Variants in B3GALT1 observed in about 807,000 individuals in gnomAD.
B3GALT1 encodes the protein UDP-Gal:betaGlcNAc beta 1,3-galactosyltransferase, polypeptide 1.
A neutral mutation model predicts 23.2 loss-of-function variants in B3GALT1; 10 were observed. The ratio of observed to expected loss-of-function variants is 0.43; its 90% CI spans 0.27 to 0.73. The LOEUF is 0.73. Ranked by LOEUF, B3GALT1 falls within the 30% of genes least tolerant of loss-of-function variation. B3GALT1 has a pLI of 0.21. For synonymous variants in B3GALT1, 156 were observed against 141.5 expected, an observed-to-expected ratio of 1.10 and a Z score of -0.73; for missense variants, 299 against 405.4, an observed-to-expected ratio of 0.74 and a Z score of 2.25.
intron 1 of B3GALT1, among the ~76,000 whole-genome samples, chr2:167,351,021 C>T (rs533588792): frequency 6.6e-6 from 1 of 152,298 alleles, no homozygotes; most frequent in East Asian, 1.9e-4. Context: ...GTAATCCCAG[C>T]ACTTTGCGAG....
At chr2:167,650,533 T>G (rs77749266) in intron 3 of B3GALT1, among the ~76,000 whole-genome samples, 2,311 of 152,072 alleles carry the variant, frequency 0.015, 71 homozygotes, top group African/African-American at 0.053. Context: ...AAGATAATGT[T>G]GACCTCATAG....
At chr2:167,304,009 C>T (rs1229401592) in intron 1 of B3GALT1, among the ~76,000 whole-genome samples, 3 of 152,110 alleles carry the variant, frequency 2.0e-5, no homozygotes, top group Admixed American at 1.3e-4. Context: ...CTGTCCCCAG[C>T]TTCATCAAGG....
At chr2:167,502,900 A>C (rs1041035755) in intron 2 of B3GALT1, among the ~76,000 whole-genome samples, 1 of 152,012 alleles carries the variant, frequency 6.6e-6, no homozygotes, top group African/African-American at 2.4e-5. Flanking sequence ...TTAGCTGGGC[A>C]TGGTGGCAGG....
chr2:167,454,311 A>G (rs961213617), intron 1 of B3GALT1, among the ~76,000 whole-genome samples: 2 of 152,184 alleles, frequency 1.3e-5, no homozygotes, highest in Admixed American at 1.3e-4. Flanking sequence ...TTGGTTTGGA[A>G]CAGTAGGACT....
intron 3 of B3GALT1, among the ~76,000 whole-genome samples, chr2:167,770,198 C>T (rs1688049588): frequency 1.3e-5 from 2 of 152,162 alleles, no homozygotes; most frequent in Admixed American, 1.3e-4. Context: ...CCTTGAACTT[C>T]TGGGTTCAAG....
At chr2:167,766,063 G>A (rs1687972326) in intron 3 of B3GALT1, among the ~76,000 whole-genome samples, 1 of 152,178 alleles carries the variant, frequency 6.6e-6, no homozygotes, top group Non-Finnish European at 1.5e-5. Flanking sequence ...TTACGGATTG[G>A]ATGCAAAATT....
At chr2:167,556,974 G>C (rs1683864006) in intron 2 of B3GALT1, among the ~76,000 whole-genome samples, 1 of 152,068 alleles carries the variant, frequency 6.6e-6, no homozygotes. Flanking sequence ...TGTGCCCTTG[G>C]GTCCAGCCAA....
intron 1 of B3GALT1, among the ~76,000 whole-genome samples, chr2:167,352,072 G>A (rs1434899181): frequency 6.7e-6 from 1 of 148,526 alleles, no homozygotes; most frequent in Non-Finnish European, 1.5e-5. Context: ...TGATTCCCCT[G>A]CCTCAGCCTC....
At chr2:167,489,392 G>C (rs919342174) in intron 1 of B3GALT1, among the ~76,000 whole-genome samples, 1 of 152,158 alleles carries the variant, frequency 6.6e-6, no homozygotes, top group Admixed American at 6.5e-5. Context: ...GGGTGTAGAG[G>C]TGTTTGGGTT....
At chr2:167,544,875 C>T (rs1043056960) in intron 2 of B3GALT1, among the ~76,000 whole-genome samples, 2 of 151,984 alleles carry the variant, frequency 1.3e-5, no homozygotes, top group African/African-American at 4.8e-5. Flanking sequence ...TGGACCGCAG[C>T]GGCGAGTGTT....
At chr2:167,453,014 C>T (rs529818949) in intron 1 of B3GALT1, among the ~76,000 whole-genome samples, 18 of 152,276 alleles carry the variant, frequency 1.2e-4, no homozygotes, top group African/African-American at 3.9e-4. Flanking sequence ...CACAGAATTA[C>T]ATTGGGAATT....
At chr2:167,697,823 C>T (rs1021066371) in intron 3 of B3GALT1, among the ~76,000 whole-genome samples, 1 of 152,104 alleles carries the variant, frequency 6.6e-6, no homozygotes, top group Non-Finnish European at 1.5e-5. Context: ...TGAAAACAAA[C>T]AAACAAACAA....
chr2:167,313,718 C>T (rs1673425398), intron 1 of B3GALT1, among the ~76,000 whole-genome samples: 1 of 152,102 alleles, frequency 6.6e-6, no homozygotes, highest in Admixed American at 6.6e-5. Context: ...GGTCCTATTT[C>T]TGTTAATGAG....
chr2:167,385,844 T>C (rs1470991505), intron 1 of B3GALT1, among the ~76,000 whole-genome samples: 1 of 152,160 alleles, frequency 6.6e-6, no homozygotes, highest in Non-Finnish European at 1.5e-5. Context: ...TCAGGTTTCT[T>C]GGAGGATGAG....
At chr2:167,620,832 A>G (rs1204779014) in intron 2 of B3GALT1, among the ~76,000 whole-genome samples, 4 of 152,074 alleles carry the variant, frequency 2.6e-5, no homozygotes, top group African/African-American at 9.7e-5. Context: ...TTGGCTTTCA[A>G]TGGCTGTTAA....
chr2:167,454,304 G>A (rs1251201002), intron 1 of B3GALT1, among the ~76,000 whole-genome samples: 1 of 152,190 alleles, frequency 6.6e-6, no homozygotes, highest in Non-Finnish European at 1.5e-5. Flanking sequence ...TGTCAGCTTG[G>A]TTTGGAACAG....
chr2:167,380,510 C>T (rs963182464), intron 1 of B3GALT1, among the ~76,000 whole-genome samples: 1 of 152,156 alleles, frequency 6.6e-6, no homozygotes, highest in African/African-American at 2.4e-5. Flanking sequence ...TATTCCACTC[C>T]AGAGAAGGCA....
At chr2:167,358,906 G>A (rs1275313850) in intron 1 of B3GALT1, among the ~76,000 whole-genome samples, 3 of 152,062 alleles carry the variant, frequency 2.0e-5, no homozygotes, top group South Asian at 2.1e-4. Context: ...GGGTTCAAGC[G>A]ATTCCACTGC....
At chr2:167,576,131 A>G (rs1310273472) in intron 2 of B3GALT1, among the ~76,000 whole-genome samples, 2 of 151,810 alleles carry the variant, frequency 1.3e-5, no homozygotes, top group Non-Finnish European at 3.0e-5. Flanking sequence ...TGTTTGCTCC[A>G]GGTGATTTTT....
Sources: gnomAD v4.1 joint callset for allele counts (sites outside exome capture counted in the v4.1 genomes callset) on GRCh38, gnomAD v4.1.1 for gene constraint, MANE v1.5 for transcripts, NCBI Gene and HGNC (gene_info 2026-07-23, HGNC 2026-07-21) for gene names.